Variants in ITGB5 observed in about 807,000 individuals in gnomAD.
ITGB5 encodes the protein integrin beta-5.
ITGB5 carries 38 observed loss-of-function variants against 84.8 expected under a neutral mutation model. The observed-to-expected ratio is 0.45, with a 90% CI of 0.35 to 0.59. The LOEUF is 0.59. ITGB5 is among the 20% of genes least tolerant of loss of function. The pLI, the probability that ITGB5 is intolerant of heterozygous loss-of-function variation, is 0.01. For missense variants in ITGB5, 905 were observed against 1,034.5 expected (o/e 0.87, Z 1.72); for synonymous variants, 393 against 414.4 (o/e 0.95, Z 0.63).
At chr3:124,823,808 T>A (rs950107174) in intron 5 of ITGB5, among the ~76,000 whole-genome samples, 7 of 152,026 alleles carry the variant, frequency 4.6e-5, no homozygotes, top group African/African-American at 1.7e-4. Flanking sequence ...TATAAACTAG[T>A]AGAGTTTTTT....
intron 1 of ITGB5, among the ~76,000 whole-genome samples, chr3:124,886,366 C>T (rs1222972615): frequency 1.3e-5 from 2 of 152,022 alleles, no homozygotes; most frequent in African/African-American, 2.4e-5. Context: ...GTGGGGGCTG[C>T]ATCTTCAAAG....
intron 5 of ITGB5, among the ~76,000 whole-genome samples, chr3:124,825,196 CA>C (rs532997344): frequency 0.26 from 20,679 of 79,220 alleles, 1,286 homozygotes; most frequent in Middle Eastern, 0.39. Context: ...GACTCCGTCT[CA>C]AAAAAAAAAA....
chr3:124,794,730 T>C (rs192114663), intron 10 of ITGB5, among the ~76,000 whole-genome samples: 6 of 149,966 alleles, frequency 4.0e-5, no homozygotes, highest in African/African-American at 1.2e-4. Context: ...TGCAGTGAGC[T>C]GAGATTGTGC....
chr3:124,798,044 C>G lies in ITGB5; in HGVS notation c.1264-1227G>C, dbSNP rs954751455. On this transcript the variant is annotated intron_variant, in intron 9 of 14. Coordinates refer to ENST00000296181, the MANE Select transcript of ITGB5 (RefSeq NM_002213.5). Reference sequence around the variant, plus strand: ...ACTATTCTTAATTCTATTCTTTCGGCTAGAATAAAGCTTTTTTTTTTTTTT... The same window carrying G: ...ACTATTCTTAATTCTATTCTTTCGGGTAGAATAAAGCTTTTTTTTTTTTTT... Among the ~76,000 whole-genome samples, 8 of 108,762 alleles carry G rather than the reference C, an allele frequency of 7.4e-5. No individual in the cohort carries two copies. The Admixed American group carries it at 7.4e-4, about 10-fold the overall frequency. 71.4% of individuals were successfully genotyped at this position (108,762 alleles called of 152,430 possible). A position where few individuals can be genotyped will look rare whatever the true frequency, so the allele number is the denominator to read the frequency against.
At position 124,887,012 on chromosome 3, in the gene ITGB5, T is replaced by A; in HGVS notation, c.-12A>T. The A allele has an allele frequency of 1.7e-6, 2 of 1,161,500 alleles. No individual in the cohort carries two copies. The highest frequency in any genetic ancestry group is 2.1e-6 in the Non-Finnish European group (2 of 942,592). 71.9% of individuals were successfully genotyped at this position (1,161,500 alleles called of 1,614,324 possible). On this transcript the variant is annotated 5_prime_UTR_variant, in exon 1 of 15. Transcript: ENST00000296181. ...GGGGCCCGCGGCATGGTGGGGCGCC[T>A]CCCTCAGCGGCGGCGCGGTCGCTGC...
At chr3:124,804,217 ACTTTT>A (rs2064359394) in intron 9 of ITGB5, among the ~76,000 whole-genome samples, 1 of 152,150 alleles carries the variant, frequency 6.6e-6, no homozygotes, top group African/African-American at 2.4e-5. Flanking sequence ...GTTGCTTGTC[ACTTTT>A]CTTTTTCAAA....
At chr3:124,816,824 T>C (rs895795071) in intron 8 of ITGB5, among the ~76,000 whole-genome samples, 1 of 152,210 alleles carries the variant, frequency 6.6e-6, no homozygotes, top group Non-Finnish European at 1.5e-5. Flanking sequence ...TTAGGGCCAA[T>C]TTCACATGAT....
chr3:124,859,601 G>A (rs2065268573), intron 2 of ITGB5, among the ~76,000 whole-genome samples, 155 bp from the exon 3 acceptor site: 1 of 152,194 alleles, frequency 6.6e-6, no homozygotes, highest in African/African-American at 2.4e-5. Flanking sequence ...CCCTATCCCA[G>A]ATGCTTCACC....
chr3:124,858,726 C>T (rs1429718043), intron 3 of ITGB5, among the ~76,000 whole-genome samples: 1 of 152,196 alleles, frequency 6.6e-6, no homozygotes, highest in Non-Finnish European at 1.5e-5. Context: ...GCAGCCACTA[C>T]ACCCTGAATG....
At chr3:124,768,306 A>G (rs2063794871) in intron 12 of ITGB5, among the ~76,000 whole-genome samples, 2 of 152,276 alleles carry the variant, frequency 1.3e-5, no homozygotes, top group East Asian at 3.9e-4. Context: ...AAAGTGTACA[A>G]TCAGTCGTTT....
intron 2 of ITGB5, among the ~76,000 whole-genome samples, chr3:124,872,859 C>T (rs920080345): frequency 1.3e-5 from 2 of 152,128 alleles, no homozygotes; most frequent in Non-Finnish European, 2.9e-5. Flanking sequence ...AGCAATCCTC[C>T]TGCCTTGGCC....
chr3:124,846,000 AC>A (rs2107600267), intron 4 of ITGB5, among the ~76,000 whole-genome samples: 1 of 152,314 alleles, frequency 6.6e-6, no homozygotes, highest in East Asian at 1.9e-4. Flanking sequence ...AGGAAGCTAA[AC>A]CCAGCAAATG....
chr3:124,842,731 A>G (rs895363958), intron 4 of ITGB5, among the ~76,000 whole-genome samples: 1 of 152,250 alleles, frequency 6.6e-6, no homozygotes, highest in Non-Finnish European at 1.5e-5. Flanking sequence ...CAAGCTGCAT[A>G]CATGGGAAAG....
intron 2 of ITGB5, among the ~76,000 whole-genome samples, chr3:124,865,852 A>G (rs1296837929): frequency 6.6e-6 from 1 of 152,070 alleles, no homozygotes; most frequent in Non-Finnish European, 1.5e-5. Flanking sequence ...TTTAAAATTT[A>G]GATTGTTTTT....
chr3:124,884,189 A>G (rs1210355071), intron 1 of ITGB5, among the ~76,000 whole-genome samples: 1 of 150,942 alleles, frequency 6.6e-6, no homozygotes, highest in Non-Finnish European at 1.5e-5. Flanking sequence ...GTGCTTCAAG[A>G]AAACAAAGAA....
chr3:124,860,047 G>A (rs915927552), intron 2 of ITGB5, among the ~76,000 whole-genome samples: 2 of 152,168 alleles, frequency 1.3e-5, no homozygotes, highest in Admixed American at 1.3e-4. Context: ...ATCTTTCACA[G>A]GCATTGGATG....
At chr3:124,773,053 G>C (rs1364333753) in intron 11 of ITGB5, among the ~76,000 whole-genome samples, 3 of 151,622 alleles carry the variant, frequency 2.0e-5, no homozygotes, top group African/African-American at 7.3e-5. Flanking sequence ...TTACAGGCAC[G>C]TGCCACCACA....
intron 2 of ITGB5, among the ~76,000 whole-genome samples, chr3:124,871,522 G>A (rs1401411543): frequency 6.6e-6 from 1 of 152,050 alleles, no homozygotes; most frequent in Non-Finnish European, 1.5e-5. Flanking sequence ...GATAAAACAA[G>A]GTATCAGTCA....
intron 5 of ITGB5, among the ~76,000 whole-genome samples, chr3:124,828,908 T>C (rs187544335): frequency 5.3e-4 from 81 of 152,364 alleles, no homozygotes; most frequent in Non-Finnish European, 6.5e-4. Flanking sequence ...GACAACTTAC[T>C]TAATCTTTCC....
Sources: gnomAD v4.1 joint callset for allele counts (sites outside exome capture counted in the v4.1 genomes callset) on GRCh38, gnomAD v4.1.1 for gene constraint, MANE v1.5 for transcripts, NCBI Gene and HGNC (gene_info 2026-07-23, HGNC 2026-07-21) for gene names.